The following RFFL variants were observed in gnomAD, a reference collection of about 807,000 sequenced individuals.
The protein encoded by RFFL is E3 ubiquitin-protein ligase rififylin.
RFFL carries 16 observed loss-of-function variants against 40.4 expected under a neutral mutation model. The ratio of observed to expected loss-of-function variants is 0.40; its 90% CI spans 0.27 to 0.60. The LOEUF (loss-of-function observed/expected upper bound fraction) is 0.60. Ranked by LOEUF, RFFL falls within the 20% of genes least tolerant of loss-of-function variation. The probability of loss-of-function intolerance (pLI) is 0.47; values close to 1 mark genes in which losing one functional copy is unlikely to be tolerated. For missense variants in RFFL, 367 were observed against 451.7 expected (o/e 0.81, Z 1.70); for synonymous variants, 154 against 167.9 (o/e 0.92, Z 0.64).
At chr17:35,013,850 G>C (rs2090956608) in intron 6 of RFFL, among the ~76,000 whole-genome samples, 1 of 152,202 alleles carries the variant, frequency 6.6e-6, no homozygotes, top group Non-Finnish European at 1.5e-5. Context: ...ATGCTGGGGG[G>C]TTGGAGGGTG....
At chr17:35,022,094 T>C (rs1447358026) in intron 2 of RFFL, among the ~76,000 whole-genome samples, 4 of 152,212 alleles carry the variant, frequency 2.6e-5, no homozygotes, top group Non-Finnish European at 5.9e-5. Flanking sequence ...AGCATAAGAA[T>C]CAAAAAGCTC....
In RFFL at chr17:35,011,953, A is replaced by T; in HGVS notation, c.*15T>A. 6.2e-7 allele frequency: 1 copy of T among 1,612,804 alleles called. No individual in the cohort carries two copies. Among genetic ancestry groups the T allele is most frequent in the Non-Finnish European group, 8.5e-7 (1 of 1,179,316 alleles). On this transcript the variant is annotated 3_prime_UTR_variant, in exon 7 of 7. Transcript: ENST00000394597. ...CTATTTCCCTGTAAGGCACTGAAGA[A>T]ACCGATGCAAGCTCTCAGGACCGGA... is the stretch of plus-strand genomic sequence containing the variant.
At chr17:35,045,992 T>A (rs2091197846) in intron 1 of RFFL, among the ~76,000 whole-genome samples, 1 of 141,170 alleles carries the variant, frequency 7.1e-6, no homozygotes, top group Non-Finnish European at 1.5e-5. Flanking sequence ...CACACTGCAC[T>A]CCACCCTGGC....
chr17:35,074,603 C>T (rs749735553), intron 1 of RFFL, among the ~76,000 whole-genome samples: 14 of 152,098 alleles, frequency 9.2e-5, no homozygotes, highest in Non-Finnish European at 1.6e-4. Context: ...TTTCTCTGTG[C>T]GGCATTTTCA....
chr17:35,054,978 C>T (rs528991389), intron 1 of RFFL, among the ~76,000 whole-genome samples: 11 of 150,410 alleles, frequency 7.3e-5, no homozygotes, highest in African/African-American at 2.5e-4. Flanking sequence ...AGTGCAGTGG[C>T]GCGATTTTGG....
chr17:35,055,074 C>G (rs899358832), intron 1 of RFFL, among the ~76,000 whole-genome samples: 3 of 151,986 alleles, frequency 2.0e-5, no homozygotes, highest in African/African-American at 7.2e-5. Flanking sequence ...CCCACCAGCA[C>G]GCCTGGCCAA....
chr17:35,056,922 CT>C (rs1157974142), intron 1 of RFFL, among the ~76,000 whole-genome samples: 1 of 140,706 alleles, frequency 7.1e-6, no homozygotes, highest in Non-Finnish European at 1.6e-5. Flanking sequence ...TTTTCTTTTT[CT>C]TTTTTTTTGA....
rs1191613759 is a variant in RFFL, at chr17:35,055,063, GC to G, written c.-9+8512del. 7.9e-5 allele frequency among the ~76,000 whole-genome samples: 12 copies of G among 152,054 alleles called. No individual in the cohort carries two copies. The East Asian group carries it at 2.3e-3, about 30-fold the overall frequency. On this transcript the variant is annotated intron_variant, in intron 1 of 6. Transcript: ENST00000394597. ...CTCCTGAGTAGCTGGGACTACGGGT[GC>G]CCACCAGCACGCCTGGCCAATTTTT... is the stretch of plus-strand genomic sequence containing the variant.
chr17:35,043,096 T>C (rs2091177022), intron 1 of RFFL, among the ~76,000 whole-genome samples: 1 of 152,186 alleles, frequency 6.6e-6, no homozygotes, highest in Admixed American at 6.5e-5. Context: ...GCATATTTCC[T>C]AGGTAAGAAT....
intron 1 of RFFL, among the ~76,000 whole-genome samples, chr17:35,063,246 G>C (rs994971860): frequency 6.6e-6 from 1 of 151,852 alleles, no homozygotes; most frequent in Admixed American, 6.6e-5. Context: ...ACCTGAGCTT[G>C]GGAGTTCGAA....
chr17:35,044,894 C>G (rs2091189115), intron 1 of RFFL, among the ~76,000 whole-genome samples: 1 of 145,944 alleles, frequency 6.9e-6, no homozygotes, highest in African/African-American at 2.6e-5. Context: ...TTTTTTGAGA[C>G]AGGGTCTCAC....
chr17:35,048,350 C>T (rs961892454), intron 1 of RFFL, among the ~76,000 whole-genome samples: 1 of 151,520 alleles, frequency 6.6e-6, no homozygotes, highest in South Asian at 2.1e-4. Flanking sequence ...TGCAGTGAGC[C>T]GAGATCACGC....
At chr17:35,042,584 G>A in intron 1 of RFFL, among the ~76,000 whole-genome samples, 1 of 152,058 alleles carries the variant, frequency 6.6e-6, no homozygotes, top group Non-Finnish European at 1.5e-5. Context: ...CACTTTGGGA[G>A]GCCAAGGCAG....
At chr17:35,033,293 C>A (rs922005382) in intron 1 of RFFL, among the ~76,000 whole-genome samples, 1 of 151,890 alleles carries the variant, frequency 6.6e-6, no homozygotes, top group African/African-American at 2.4e-5. Flanking sequence ...CTTTGGGAGG[C>A]CGAGGTGGGC....
chr17:35,017,557 C>T lies in RFFL; in HGVS notation c.641G>A (p.Ser214Asn), dbSNP rs200246394. 2.0e-4 allele frequency: 316 copies of T among 1,611,682 alleles called. No homozygotes were observed. The highest frequency in any genetic ancestry group is 2.5e-4 in the Non-Finnish European group (298 of 1,178,938). Residue 214 changes from serine (S) to asparagine (N), a missense_variant, in exon 4 of 7, where the codon AGC becomes AAC. Ser to Asn is a conservative substitution (Grantham distance 46). Coordinates refer to ENST00000394597, the MANE Select transcript of RFFL (RefSeq NM_001017368.2). ...ATCCTCAGCAGGTACTCTGGCCACG[C>T]TCTCCAGGTAGACGGGTTCCTCTTG... ...QDQEEPVYLE[S>N]VARVPAEDET...
chr17:35,025,324 T>C (rs951709595), intron 2 of RFFL: 1 of 152,194 alleles, frequency 6.6e-6, no homozygotes, highest in African/African-American at 2.4e-5. Context: ...TTAATAACTA[T>C]GTGATCTTGA....
chr17:35,050,426 C>T (rs2091225060), intron 1 of RFFL, among the ~76,000 whole-genome samples: 1 of 151,954 alleles, frequency 6.6e-6, no homozygotes, highest in Non-Finnish European at 1.5e-5. Flanking sequence ...TAGTGATGCA[C>T]TCTTGGCTCA....
At chr17:35,065,361 G>C (rs939490287), upstream of RFFL, among the ~76,000 whole-genome samples, 2 of 152,028 alleles carry the variant, frequency 1.3e-5, no homozygotes, top group Admixed American at 6.6e-5. Context: ...TTCAAGACTA[G>C]CCTAACCAAC....
chr17:35,074,498 G>C (rs1230472279), intron 1 of RFFL: 1 of 152,204 alleles, frequency 6.6e-6, no homozygotes, highest in Non-Finnish European at 1.5e-5. Context: ...TCCTGACGGA[G>C]TGTGAGGCAG....
Sources: gnomAD v4.1 joint callset for allele counts (sites outside exome capture counted in the v4.1 genomes callset) on GRCh38, gnomAD v4.1.1 for gene constraint, MANE v1.5 for transcripts, NCBI Gene and HGNC (gene_info 2026-07-23, HGNC 2026-07-21) for gene names.